Variants in FSD1L observed in about 807,000 individuals in gnomAD.
The protein encoded by FSD1L is FSD1-like protein.
A neutral mutation model predicts 71.6 loss-of-function variants in FSD1L; 45 were observed. The ratio of observed to expected loss-of-function variants is 0.63; its 90% CI spans 0.49 to 0.81. FSD1L has a LOEUF of 0.81. Ranked by LOEUF, FSD1L falls within the 30% of genes least tolerant of loss-of-function variation. The pLI is 0.00. For synonymous variants in FSD1L, 197 were observed against 207.2 expected, an observed-to-expected ratio of 0.95 and a Z score of 0.42; for missense variants, 561 against 618.1, an observed-to-expected ratio of 0.91 and a Z score of 0.98.
chr9:105,484,156 A>T (rs1195727113), intron 6 of FSD1L, among the ~76,000 whole-genome samples: 1 of 152,124 alleles, frequency 6.6e-6, no homozygotes, highest in Non-Finnish European at 1.5e-5. Flanking sequence ...ATTGGCTGGG[A>T]GGAAAGTTGC....
chr9:105,446,140 T>C (rs1371620898), upstream of FSD1L, among the ~76,000 whole-genome samples: 1 of 151,874 alleles, frequency 6.6e-6, no homozygotes, highest in African/African-American at 2.4e-5. Context: ...GGGGGATCCA[T>C]GTGGAGATGT....
chr9:105,528,542 C>G (rs537493007), intron 10 of FSD1L, among the ~76,000 whole-genome samples: 1 of 152,302 alleles, frequency 6.6e-6, no homozygotes, highest in Middle Eastern at 3.4e-3. Flanking sequence ...AAAAGATTCC[C>G]TATTTAATAA....
At chr9:105,515,142 C>T (rs10991680) in intron 10 of FSD1L, among the ~76,000 whole-genome samples, 18,946 of 152,086 alleles carry the variant, frequency 0.12, 1,508 homozygotes, top group Admixed American at 0.23. Context: ...AAGTCTGGTG[C>T]GAGAAGGGCA....
chr9:105,543,307 T>G (rs1184943325), intron 13 of FSD1L, among the ~76,000 whole-genome samples: 2 of 152,220 alleles, frequency 1.3e-5, no homozygotes, highest in Non-Finnish European at 2.9e-5. Flanking sequence ...ATACGGTAGT[T>G]GATGATAGTG....
chr9:105,468,121 T>G lies in FSD1L; in HGVS notation c.208-72T>G, dbSNP rs1270147191. On this transcript the variant is annotated intron_variant, in intron 3 of 13. Coordinates refer to ENST00000481272, the MANE Select transcript of FSD1L (RefSeq NM_001145313.3). Reference sequence around the variant, plus strand: ...TGTAATATAAATTTATTCTCTCTTTTGGGCATACCTTTTAGGTTTTAAATG... The same window carrying G: ...TGTAATATAAATTTATTCTCTCTTTGGGGCATACCTTTTAGGTTTTAAATG... 6 of 1,006,756 alleles carry G rather than the reference T, an allele frequency of 6.0e-6. No individual in the cohort carries two copies. In the African/African-American group the frequency reaches 1.0e-4, roughly 17 times the overall value. The allele number at this position is 1,006,756 out of a possible 1,614,324, so 62.4% of individuals were successfully genotyped here. A position where few individuals can be genotyped will look rare whatever the true frequency, so the allele number is the denominator to read the frequency against.
chr9:105,481,141 C>CTGTG (rs376069658), intron 6 of FSD1L, among the ~76,000 whole-genome samples: 2,121 of 81,540 alleles, frequency 0.026, 89 homozygotes, highest in African/African-American at 0.056. Flanking sequence ...CAGGCAAACT[C>CTGTG]TGTGTGTGTG....
intron 10 of FSD1L, among the ~76,000 whole-genome samples, chr9:105,532,551 A>T (rs1453394589): frequency 1.3e-5 from 2 of 152,164 alleles, no homozygotes; most frequent in African/African-American, 4.8e-5. Flanking sequence ...GATCTCAACA[A>T]CTATTCTGGA....
intron 10 of FSD1L, among the ~76,000 whole-genome samples, chr9:105,515,013 A>G (rs555355704): frequency 6.6e-6 from 1 of 152,292 alleles, no homozygotes; most frequent in East Asian, 1.9e-4. Context: ...TCCCTCCAGT[A>G]AGGGGACCTC....
intron 7 of FSD1L, among the ~76,000 whole-genome samples, chr9:105,484,930 A>T (rs867552863): frequency 6.6e-6 from 1 of 152,222 alleles, no homozygotes; most frequent in South Asian, 2.1e-4. Flanking sequence ...TAAAATATTT[A>T]TAATAGTACC....
Position 105,552,219 on chromosome 9 carries a change from T to C in FSD1L, c.*5736T>C, listed in dbSNP as rs935648685. On this transcript the variant is annotated 3_prime_UTR_variant, in exon 14 of 14. Transcript: ENST00000481272. ...ACCTTTAATGATACTTATGATGCAC[T>C]CAGTGCCATACAATAGTGTTTTAAG... is the stretch of plus-strand genomic sequence containing the variant. The C allele has an allele frequency of 1.3e-5, 2 of 152,188 alleles. No homozygotes were observed. Among genetic ancestry groups the C allele is most frequent in the Non-Finnish European group, 2.9e-5 (2 of 68,024 alleles). 9.4% of individuals were successfully genotyped at this position (152,188 alleles called of 1,614,324 possible).
In FSD1L at chr9:105,543,768, T is replaced by G. The variant is rs1161159734; in HGVS notation, c.1468-2590T>G. 3.3e-5 allele frequency among the ~76,000 whole-genome samples: 5 copies of G among 150,954 alleles called. No individual in the cohort carries two copies. The East Asian group carries it at 9.6e-4, about 29-fold the overall frequency. On this transcript the variant is annotated intron_variant, in intron 13 of 13. Coordinates refer to ENST00000481272, the MANE Select transcript of FSD1L (RefSeq NM_001145313.3). ...CCCTACAAAGGACATGAACTCATCC[T>G]TTTTTATGGCTGCATAGTATTCCCT...
chr9:105,461,038 C>A (rs974216929), intron 1 of FSD1L, among the ~76,000 whole-genome samples: 1 of 152,110 alleles, frequency 6.6e-6, no homozygotes, highest in African/African-American at 2.4e-5. Flanking sequence ...AACTTATATC[C>A]ACATATAGCT....
chr9:105,492,810 T>C (rs1833050224), intron 7 of FSD1L, among the ~76,000 whole-genome samples: 1 of 152,196 alleles, frequency 6.6e-6, no homozygotes, highest in Non-Finnish European at 1.5e-5. Flanking sequence ...TTGAATGGTT[T>C]TGAGTGAGTT....
At chr9:105,455,385 G>A (rs1431884006) in intron 1 of FSD1L, among the ~76,000 whole-genome samples, 1 of 151,326 alleles carries the variant, frequency 6.6e-6, no homozygotes, top group Non-Finnish European at 1.5e-5. Flanking sequence ...CCCCACTGGA[G>A]TCGATGGAGG....
intron 3 of FSD1L, among the ~76,000 whole-genome samples, chr9:105,467,003 G>T (rs888932272): frequency 6.6e-6 from 1 of 152,190 alleles, no homozygotes; most frequent in Non-Finnish European, 1.5e-5. Flanking sequence ...GATGCCATCT[G>T]GTGATTGAGA....
chr9:105,524,596 A>AT (rs1435481497), intron 10 of FSD1L: 1 of 1,613,722 alleles, frequency 6.2e-7, no homozygotes, highest in Non-Finnish European at 8.5e-7. Context: ...AATCCAAGGT[A>AT]TTTTCCCATG....
chr9:105,544,119 G>C (rs972745029), intron 13 of FSD1L, among the ~76,000 whole-genome samples: 5 of 152,076 alleles, frequency 3.3e-5, no homozygotes, highest in Admixed American at 2.6e-4. Context: ...TTTAATGATC[G>C]CCATTCTAAC....
At chr9:105,513,447 A>T (rs1249369973) in intron 10 of FSD1L, among the ~76,000 whole-genome samples, 3 of 152,190 alleles carry the variant, frequency 2.0e-5, no homozygotes, top group Admixed American at 6.5e-5. Flanking sequence ...AATAGAAGAA[A>T]TTTTTGCTCA....
chr9:105,512,400 A>G (rs1336385681), intron 9 of FSD1L, among the ~76,000 whole-genome samples: 1 of 152,128 alleles, frequency 6.6e-6, no homozygotes, highest in East Asian at 1.9e-4. Flanking sequence ...GCCAGGTTCT[A>G]TAATTTTTTA....
Sources: gnomAD v4.1 joint callset for allele counts (sites outside exome capture counted in the v4.1 genomes callset) on GRCh38, gnomAD v4.1.1 for gene constraint, MANE v1.5 for transcripts, NCBI Gene and HGNC (gene_info 2026-07-23, HGNC 2026-07-21) for gene names.